Variants in SLC39A10 observed in about 807,000 individuals in gnomAD.
The protein encoded by SLC39A10 is zinc transporter ZIP10.
SLC39A10 carries 13 observed loss-of-function variants against 65.1 expected under a neutral mutation model. That is an observed-to-expected ratio of 0.20 (90% CI 0.13 to 0.32). SLC39A10 has a LOEUF of 0.32. Ranked by LOEUF, SLC39A10 falls within the 10% of genes least tolerant of loss-of-function variation. SLC39A10 has a pLI of 1.00. For synonymous variants in SLC39A10, 321 were observed against 342.2 expected, an observed-to-expected ratio of 0.94 and a Z score of 0.68; for missense variants, 831 against 1,018.4, an observed-to-expected ratio of 0.82 and a Z score of 2.50.
In SLC39A10 at chr2:195,671,635, C is replaced by G. The variant is rs569515893; in HGVS notation, c.-11-8397C>G. The G allele has an allele frequency of 4.6e-5, 7 of 152,294 alleles. No individual in the cohort carries two copies. In the East Asian group the frequency reaches 1.3e-3, roughly 29 times the overall value. 9.4% of individuals were successfully genotyped at this position (152,294 alleles called of 1,614,324 possible). A position where few individuals can be genotyped will look rare whatever the true frequency, so the allele number is the denominator to read the frequency against. On this transcript the variant is annotated intron_variant, in intron 1 of 9. Coordinates refer to ENST00000359634, the MANE Select transcript of SLC39A10 (RefSeq NM_020342.3). Reference sequence around the variant, plus strand: ...TGGTATATGGGCTTCTACCATTTCCCCCATTCCTGTCTCCATCTCAGAGAT... The same window carrying G: ...TGGTATATGGGCTTCTACCATTTCCGCCATTCCTGTCTCCATCTCAGAGAT...
chr2:195,703,743 T>C (rs1220083295), intron 3 of SLC39A10, among the ~76,000 whole-genome samples: 2 of 152,120 alleles, frequency 1.3e-5, no homozygotes, highest in Non-Finnish European at 2.9e-5. Flanking sequence ...AATCTCAGCC[T>C]CCCAGGCTCC....
At chr2:195,639,138 A>T (rs1214706046) in intron 2 of SLC39A10, among the ~76,000 whole-genome samples, 1 of 151,896 alleles carries the variant, frequency 6.6e-6, no homozygotes, top group Non-Finnish European at 1.5e-5. Flanking sequence ...AGATTTGTAA[A>T]GATAAGTCTT....
chr2:195,673,360 C>T (rs1456961675), intron 1 of SLC39A10, among the ~76,000 whole-genome samples: 2 of 152,088 alleles, frequency 1.3e-5, no homozygotes, highest in Non-Finnish European at 2.9e-5. Flanking sequence ...TGGGGTTCTG[C>T]CATGTTGCTC....
chr2:195,634,907 G>A (rs997643940), intron 2 of SLC39A10, among the ~76,000 whole-genome samples: 1 of 152,030 alleles, frequency 6.6e-6, no homozygotes, highest in African/African-American at 2.4e-5. Flanking sequence ...AATTAGCCAG[G>A]CATGATGGTG....
chr2:195,708,880 A>T, intron 5 of SLC39A10, 36 bp downstream of exon 5: 1 of 1,457,178 alleles, frequency 6.9e-7, no homozygotes, highest in African/African-American at 1.4e-5. Context: ...TTATACCATA[A>T]AACTCAAAAC....
At chr2:195,616,401 G>A (rs997861434) in intron 2 of SLC39A10, among the ~76,000 whole-genome samples, 10 of 151,874 alleles carry the variant, frequency 6.6e-5, no homozygotes, top group Non-Finnish European at 1.2e-4. Flanking sequence ...CTGCCTCCCG[G>A]GTTCAAGTGG....
chr2:195,723,036 CT>C (rs797014979), intron 8 of SLC39A10, among the ~76,000 whole-genome samples: 144 of 152,258 alleles, frequency 9.5e-4, no homozygotes, highest in African/African-American at 3.4e-3. Context: ...CTTTTTCTCT[CT>C]GCAGTTTCTG....
chr2:195,690,323 A>T (rs1292371826), intron 3 of SLC39A10, among the ~76,000 whole-genome samples: 1 of 152,102 alleles, frequency 6.6e-6, no homozygotes, highest in East Asian at 1.9e-4. Flanking sequence ...TAATGTGAAT[A>T]ATGTTGCTGT....
intron 6 of SLC39A10, among the ~76,000 whole-genome samples, chr2:195,714,121 C>T (rs752368977): frequency 3.9e-5 from 6 of 152,098 alleles, no homozygotes; most frequent in African/African-American, 9.6e-5. Context: ...TTAGTAGGGA[C>T]GGGGTTTCAC....
chr2:195,683,995 A>G, intron 3 of SLC39A10, 89 bp downstream of exon 3: 2 of 913,870 alleles, frequency 2.2e-6, no homozygotes, highest in Non-Finnish European at 3.2e-6. Flanking sequence ...ATCCTAAATT[A>G]TTGACTTTCT....
chr2:195,666,630 TA>T (rs978085473), intron 1 of SLC39A10, among the ~76,000 whole-genome samples: 1 of 152,182 alleles, frequency 6.6e-6, no homozygotes, highest in Non-Finnish European at 1.5e-5. Flanking sequence ...GGCTAATTTT[TA>T]AAACATTTTC....
intron 1 of SLC39A10, among the ~76,000 whole-genome samples, chr2:195,672,666 C>T (rs1451328373): frequency 6.6e-6 from 1 of 152,090 alleles, no homozygotes. Context: ...AGACAAATGA[C>T]GTTTTAAAGC....
intron 1 of SLC39A10, among the ~76,000 whole-genome samples, chr2:195,677,267 A>G (rs1036790441): frequency 6.6e-6 from 1 of 152,148 alleles, no homozygotes; most frequent in African/African-American, 2.4e-5. Context: ...AAAAGTAATC[A>G]TGGCCAGGTA....
intron 8 of SLC39A10, among the ~76,000 whole-genome samples, chr2:195,720,597 A>G (rs1019714694): frequency 2.6e-5 from 4 of 152,376 alleles, no homozygotes; most frequent in African/African-American, 7.2e-5. Flanking sequence ...AGAACTTATC[A>G]TATAAATTTC....
rs1439265115 is a variant in SLC39A10 at position 195,680,733 on chromosome 2, G to C, written c.691G>C (p.Gly231Arg). 1.2e-6 allele frequency: 2 copies of C among 1,613,938 alleles called. No individual in the cohort carries two copies. The highest frequency in any genetic ancestry group is 1.7e-6 in the Non-Finnish European group (2 of 1,180,024). Reference protein sequence around the residue: ...QEQSDVKLPKGKRKKKGRKSN... With the variant: ...QEQSDVKLPKRKRKKKGRKSN... ...ACAATCTGATGTTAAACTACCGAAA[G>C]GAAAGAGGAAGAAAAAAGGGAGGAA... The change falls in exon 2 of 10, where the codon GGA becomes CGA. Residue 231 changes from glycine to arginine, a missense_variant. This residue lies in a region of SLC39A10 where 446 missense variants were observed against 499.2 expected (regional missense o/e 0.89). Coordinates refer to ENST00000359634, the MANE Select transcript of SLC39A10 (RefSeq NM_020342.3).
intron 8 of SLC39A10, among the ~76,000 whole-genome samples, chr2:195,718,885 C>T (rs1691915712): frequency 6.6e-6 from 1 of 151,832 alleles, no homozygotes; most frequent in Non-Finnish European, 1.5e-5. Flanking sequence ...TCATTTATTT[C>T]CAAAGCTCTT....
chr2:195,617,881 A>G (rs1034255718), intron 2 of SLC39A10, among the ~76,000 whole-genome samples: 27 of 151,306 alleles, frequency 1.8e-4, no homozygotes, highest in Non-Finnish European at 1.5e-4. Context: ...CTGGGACCAC[A>G]GGTGCCCGCC....
intron 3 of SLC39A10, among the ~76,000 whole-genome samples, chr2:195,684,479 C>G (rs548317244): frequency 6.6e-6 from 1 of 152,204 alleles, no homozygotes; most frequent in African/African-American, 2.4e-5. Context: ...TTGGCTCCAC[C>G]TTGGTGTTCA....
chr2:195,642,070 T>C (rs1688821867), intron 2 of SLC39A10, among the ~76,000 whole-genome samples: 1 of 152,106 alleles, frequency 6.6e-6, no homozygotes, highest in Non-Finnish European at 1.5e-5. Context: ...GCAGATATTG[T>C]TTGTCAGCGA....
Sources: gnomAD v4.1 joint callset for allele counts (sites outside exome capture counted in the v4.1 genomes callset) on GRCh38, gnomAD v4.1.1 for gene constraint, gnomAD v4.1.1 regional missense constraint, MANE v1.5 for transcripts, NCBI Gene and HGNC (gene_info 2026-07-23, HGNC 2026-07-21) for gene names.